CDH18: variants seen among roughly 807,000 people sequenced by gnomAD.
CDH18 encodes the protein cadherin-18.
In CDH18, 31 loss-of-function variants were observed where a neutral mutation model predicts 67.9. The ratio of observed to expected loss-of-function variants is 0.46; its 90% CI spans 0.34 to 0.62. CDH18 has a LOEUF of 0.62. Among genes scored for constraint, CDH18 ranks in the 20% least tolerant of loss-of-function variants. CDH18 has a pLI of 0.01. For synonymous variants in CDH18, 362 were observed against 347.2 expected, an observed-to-expected ratio of 1.04 and a Z score of -0.48; for missense variants, 890 against 975.5, an observed-to-expected ratio of 0.91 and a Z score of 1.17.
chr5:19,912,435 C>G (rs2150141802), intron 2 of CDH18, among the ~76,000 whole-genome samples: 1 of 152,124 alleles, frequency 6.6e-6, no homozygotes, highest in South Asian at 2.1e-4. Context: ...AGCAATGAGG[C>G]CAGATATCAA....
intron 2 of CDH18, among the ~76,000 whole-genome samples, chr5:20,219,993 A>G (rs1741097818): frequency 6.6e-6 from 1 of 151,990 alleles, no homozygotes; most frequent in Admixed American, 6.6e-5. Context: ...AAAAAAGGGA[A>G]AGATATTTTA....
At chr5:19,906,413 A>G (rs552309010) in intron 2 of CDH18, among the ~76,000 whole-genome samples, 2 of 152,086 alleles carry the variant, frequency 1.3e-5, no homozygotes, top group East Asian at 1.9e-4. Context: ...TACTGGATCT[A>G]TATCTATTTT....
chr5:20,242,997 C>T (rs1481617552), intron 2 of CDH18, among the ~76,000 whole-genome samples: 1 of 152,114 alleles, frequency 6.6e-6, no homozygotes, highest in Middle Eastern at 3.2e-3. Context: ...GGTTCAAATA[C>T]AATTCATGTT....
At chr5:20,548,714 T>G (rs1310390232) in intron 1 of CDH18, among the ~76,000 whole-genome samples, 3 of 152,158 alleles carry the variant, frequency 2.0e-5, no homozygotes, top group Non-Finnish European at 4.4e-5. Flanking sequence ...AAATCTGCCT[T>G]CTACATAACT....
chr5:19,483,943 A>C (rs1739931722), intron 11 of CDH18, among the ~76,000 whole-genome samples: 1 of 152,320 alleles, frequency 6.6e-6, no homozygotes, highest in East Asian at 1.9e-4. Flanking sequence ...AATATAGGTA[A>C]TAGGAGCACA....
chr5:20,534,795 A>C (rs572022525), intron 1 of CDH18, among the ~76,000 whole-genome samples: 6 of 151,528 alleles, frequency 4.0e-5, no homozygotes, highest in Non-Finnish European at 7.4e-5. Context: ...TTGATTACTG[A>C]CTTCTGAACT....
intron 1 of CDH18, among the ~76,000 whole-genome samples, chr5:20,421,440 T>C (rs1747850280): frequency 6.6e-6 from 1 of 150,614 alleles, no homozygotes; most frequent in Admixed American, 6.6e-5. Context: ...TGGGTGTCAA[T>C]CAAGAGTGTC....
chr5:19,806,357 G>T (rs62355779), intron 3 of CDH18, among the ~76,000 whole-genome samples: 12,648 of 152,036 alleles, frequency 0.083, 541 homozygotes, highest in African/African-American at 0.1. Context: ...TCATTGCAGC[G>T]GCATATTTTA....
intron 2 of CDH18, among the ~76,000 whole-genome samples, chr5:20,128,923 A>C (rs1055775391): frequency 2.0e-5 from 3 of 152,014 alleles, no homozygotes; most frequent in African/African-American, 7.3e-5. Flanking sequence ...CTCTTTGTTT[A>C]GAATTGATCT....
chr5:19,586,836 G>A (rs145456001), intron 7 of CDH18, among the ~76,000 whole-genome samples: 1 of 152,142 alleles, frequency 6.6e-6, no homozygotes, highest in African/African-American at 2.4e-5. Context: ...CAGTGTAAAA[G>A]TGTTCCTTTT....
At chr5:19,568,179 C>A (rs1231708531) in intron 8 of CDH18, among the ~76,000 whole-genome samples, 3 of 152,084 alleles carry the variant, frequency 2.0e-5, no homozygotes. Flanking sequence ...TAGCACCATC[C>A]ATGACTTCCA....
At chr5:20,444,400 G>T (rs2150196071) in intron 1 of CDH18, among the ~76,000 whole-genome samples, 1 of 152,286 alleles carries the variant, frequency 6.6e-6, no homozygotes, top group South Asian at 2.1e-4. Flanking sequence ...GTTGGGTGTG[G>T]TGGCAGGTGC....
chr5:19,820,242 C>T (rs1779724878), intron 3 of CDH18, among the ~76,000 whole-genome samples: 1 of 151,864 alleles, frequency 6.6e-6, no homozygotes, highest in African/African-American at 2.4e-5. Flanking sequence ...GCAATTTCTC[C>T]CTAAGGCAGC....
At chr5:19,919,211 C>T (rs1792164591) in intron 2 of CDH18, among the ~76,000 whole-genome samples, 1 of 151,876 alleles carries the variant, frequency 6.6e-6, no homozygotes, top group South Asian at 2.1e-4. Context: ...AGAACCCAGC[C>T]AGGCCTGCCC....
intron 2 of CDH18, among the ~76,000 whole-genome samples, chr5:19,924,820 G>C (rs1383902572): frequency 1.3e-5 from 2 of 152,122 alleles, no homozygotes. Flanking sequence ...AGCCCAGGAA[G>C]CATCCACAGC....
intron 2 of CDH18, among the ~76,000 whole-genome samples, chr5:20,068,159 T>G (rs1283960706): frequency 6.6e-6 from 1 of 152,124 alleles, no homozygotes; most frequent in Non-Finnish European, 1.5e-5. Flanking sequence ...TGCCATGAAA[T>G]TAAAGCAATG....
intron 1 of CDH18, among the ~76,000 whole-genome samples, chr5:20,452,920 A>G (rs907645135): frequency 6.6e-5 from 10 of 152,136 alleles, no homozygotes; most frequent in Non-Finnish European, 1.5e-4. Context: ...TTAACTTAGT[A>G]CCCTTAAACC....
intron 6 of CDH18, among the ~76,000 whole-genome samples, chr5:19,599,803 C>T (rs1017766787): frequency 2.6e-5 from 4 of 152,062 alleles, no homozygotes; most frequent in African/African-American, 7.2e-5. Flanking sequence ...AGGAGAATGG[C>T]GTGAACCCGG....
intron 1 of CDH18, among the ~76,000 whole-genome samples, chr5:20,364,659 G>T (rs1742368594): frequency 6.6e-6 from 1 of 152,098 alleles, no homozygotes; most frequent in African/African-American, 2.4e-5. Context: ...ATAACATATT[G>T]ATTTATCTAA....
Sources: allele counts gnomAD v4.1 joint callset (sites outside exome capture counted in the v4.1 genomes callset), GRCh38; gene constraint gnomAD v4.1.1; transcripts MANE v1.5; gene names NCBI Gene and HGNC (gene_info 2026-07-23, HGNC 2026-07-21).